Variants in NKTR observed in about 807,000 individuals in gnomAD.
NKTR encodes NK-tumor recognition protein.
NKTR carries 67 observed loss-of-function variants against 156.3 expected under a neutral mutation model. That is an observed-to-expected ratio of 0.43 (90% CI 0.35 to 0.53). NKTR has a LOEUF of 0.53. NKTR is among the 20% of genes least tolerant of loss of function. The pLI is 0.01. For missense variants in NKTR, 1,604 were observed against 1,730.9 expected, an observed-to-expected ratio of 0.93 and a Z score of 1.30; for synonymous variants, 640 against 596.6, an observed-to-expected ratio of 1.07 and a Z score of -1.06.
At chr3:42,619,984 C>CT in intron 5 of NKTR, 1 of 1,532,430 alleles carries the variant, frequency 6.5e-7, no homozygotes, top group South Asian at 1.2e-5. Flanking sequence ...ATCTTCCTGC[C>CT]TAAAACTGTC....
chr3:42,601,260 C>G (rs1705420015), intron 2 of NKTR, 196 bp downstream of exon 2: 2 of 438,016 alleles, frequency 4.6e-6, no homozygotes, highest in Non-Finnish European at 8.2e-6. Flanking sequence ...GTCCGGGCCT[C>G]TTCCTGCCAA....
At chr3:42,635,412 A>G (rs771970772) in intron 12 of NKTR, 46 bp downstream of exon 12, 2 of 1,468,134 alleles carry the variant, frequency 1.4e-6, no homozygotes, top group South Asian at 2.5e-5. Flanking sequence ...GTTATATTTT[A>G]AATGTTAAAG....
At position 42,639,362 on chromosome 3, in the gene NKTR, A is replaced by G. The variant is rs74683403; in HGVS notation, c.3658A>G (p.Asn1220Asp). The change falls in exon 13 of 17, where the codon AAC becomes GAC. Residue 1220 changes from asparagine to aspartate, a missense_variant. Coordinates refer to ENST00000232978, the MANE Select transcript of NKTR (RefSeq NM_005385.4). ...GGAGGTGGCTGAGAAGAGCCAGATCAACCTCATTGATAAGAAATGGAAGCC... is the reference window on the plus strand; with the variant it reads ...GGAGGTGGCTGAGAAGAGCCAGATCGACCTCATTGATAAGAAATGGAAGCC... The part of the protein sequence containing the change: ...KKEVAEKSQI[N>D]LIDKKWKPLQ... 2.7e-4 allele frequency: 432 copies of G among 1,614,126 alleles called. 3 individuals are homozygous for G. The African/African-American group carries it at 5.2e-3, about 20-fold the overall frequency.
chr3:42,601,903 TTA>T (rs1478070052), intron 2 of NKTR: 1 of 152,192 alleles, frequency 6.6e-6, no homozygotes, highest in African/African-American at 2.4e-5. Context: ...CCTCTTCCTT[TTA>T]TAGTTTATAT....
At chr3:42,640,794 C>T (rs909051655) in intron 13 of NKTR, among the ~76,000 whole-genome samples, 1 of 152,240 alleles carries the variant, frequency 6.6e-6, no homozygotes. Flanking sequence ...TGCTAGCTCT[C>T]CTTTCTCCCA....
At chr3:42,617,497 CTG>C in intron 2 of NKTR, 71 bp from the exon 3 acceptor site, 1 of 760,760 alleles carries the variant, frequency 1.3e-6, no homozygotes, top group Non-Finnish European at 2.3e-6. Flanking sequence ...TTTGTTAGCC[CTG>C]TTTCTTTCTC....
At chr3:42,617,732 G>C (rs1415119054) in intron 3 of NKTR, 88 bp downstream of exon 3, 1 of 671,226 alleles carries the variant, frequency 1.5e-6, no homozygotes, top group Non-Finnish European at 2.6e-6. Flanking sequence ...AAGAATAATG[G>C]ACTCGTGAAA....
chr3:42,601,105 G>C, intron 2 of NKTR, 41 bp downstream of exon 2: 3 of 1,507,524 alleles, frequency 2.0e-6, no homozygotes, highest in Middle Eastern at 2.3e-4. Flanking sequence ...GCCGAGGCCT[G>C]CCTTGGCGAA....
chr3:42,627,265 C>G (rs1708475126), intron 6 of NKTR: 3 of 984,834 alleles, frequency 3.0e-6, no homozygotes, highest in African/African-American at 3.5e-5. Flanking sequence ...TCTCTCTTTG[C>G]CTTTATCTCT....
rs138790176 is a variant in NKTR at position 42,601,045 on chromosome 3, C to T, written c.39C>T (p.Ile13=). 6.3e-6 allele frequency: 10 copies of T among 1,581,840 alleles called. No homozygotes were observed. The African/African-American group carries it at 8.2e-5, about 13-fold the overall frequency. The change falls in exon 2 of 17, where the codon ATC becomes ATT. Residue 13 remains isoleucine (I), a synonymous_variant. Coordinates refer to ENST00000232978, the MANE Select transcript of NKTR (RefSeq NM_005385.4). ...AQDRPQCHFD[I]EINREPVGRI... is the part of the protein sequence containing the mutation. ...ACCGGCCGCAGTGCCACTTCGACATCGAGATCAACCGGGAGCCGGGTGAGC... is the reference window on the plus strand; with the variant it reads ...ACCGGCCGCAGTGCCACTTCGACATTGAGATCAACCGGGAGCCGGGTGAGC...
At chr3:42,605,967 C>T (rs1196439531) in intron 2 of NKTR, among the ~76,000 whole-genome samples, 1 of 152,162 alleles carries the variant, frequency 6.6e-6, no homozygotes, top group African/African-American at 2.4e-5. Flanking sequence ...ATTAGGCACA[C>T]TACTGTTTGG....
At chr3:42,610,011 CT>C (rs200074379) in intron 2 of NKTR, among the ~76,000 whole-genome samples, 1 of 150,594 alleles carries the variant, frequency 6.6e-6, no homozygotes, top group East Asian at 1.9e-4. Context: ...CTAGAATTTC[CT>C]TTTTTTTTGA....
intron 2 of NKTR, among the ~76,000 whole-genome samples, chr3:42,616,360 G>A (rs927694089): frequency 1.3e-5 from 2 of 152,080 alleles, no homozygotes; most frequent in Non-Finnish European, 2.9e-5. Context: ...CTTTCAACAG[G>A]TCCATAAAGT....
chr3:42,639,638 A>G lies in NKTR; in HGVS notation c.3934A>G (p.Arg1312Gly). The G allele has an allele frequency of 1.2e-6, 2 of 1,614,178 alleles. No homozygotes were observed. The highest frequency in any genetic ancestry group is 2.7e-5 in the African/African-American group (2 of 75,064). Residue 1312 changes from arginine to glycine, a missense_variant, in exon 13 of 17, where the codon AGG becomes GGG. This residue lies in a region of NKTR where 193 missense variants were observed against 220.2 expected (regional missense o/e 0.88). Transcript: ENST00000232978. The stretch of plus-strand genomic sequence containing the variant: ...TAGTCGGGATGATGATAGCCAGTCC[A>G]GGAGTCCAAGTAGATCTCGAAGTAA... ...TPSRDDDSQS[R>G]SPSRSRSKSE... is the part of the protein sequence containing the mutation.
Position 42,609,784 on chromosome 3 carries a change from ATGTTTCT to A in NKTR, c.59-7781_59-7775del, listed in dbSNP as rs1392356041. ...ATACTCTTATGGTTATGTAGGTAGA[ATGTTTCT>A]TGTTGTTTTTGAGAATGTGATTTTT... On this transcript the variant is annotated intron_variant, in intron 2 of 16. Coordinates refer to ENST00000232978, the MANE Select transcript of NKTR (RefSeq NM_005385.4). Among the ~76,000 whole-genome samples, 3 of 152,226 alleles carry A rather than the reference ATGTTTCT, an allele frequency of 2.0e-5. No homozygotes were observed. In the East Asian group the frequency reaches 5.8e-4, roughly 29 times the overall value.
chr3:42,637,876 T>C lies in NKTR; in HGVS notation c.2172T>C (p.Ser724=). 6.2e-7 allele frequency: 1 copy of C among 1,614,062 alleles called. No individual in the cohort carries two copies. Among genetic ancestry groups the C allele is most frequent in the Non-Finnish European group, 8.5e-7 (1 of 1,179,942 alleles). ...ATTCAAGGTCTAGGTCTCCATCATC[T>C]AGATCTCATTCACGAAATAAATACA... is the stretch of plus-strand genomic sequence containing the variant. The part of the protein sequence containing the change: ...SSHSRSRSPS[S]RSHSRNKYSD... Residue 724 remains serine, a synonymous_variant, in exon 13 of 17, where the codon TCT becomes TCC. Coordinates refer to ENST00000232978, the MANE Select transcript of NKTR (RefSeq NM_005385.4).
intron 7 of NKTR, 114 bp downstream of exon 7, chr3:42,630,689 A>C (rs1708814373): frequency 6.6e-7 from 1 of 1,525,626 alleles, no homozygotes; most frequent in African/African-American, 1.4e-5. Flanking sequence ...GCTTAATCTC[A>C]TAGCAAAAGC....
intron 5 of NKTR, chr3:42,620,020 T>A: frequency 6.5e-7 from 1 of 1,534,282 alleles, no homozygotes; most frequent in Non-Finnish European, 8.7e-7. Flanking sequence ...TTATAGAGAA[T>A]GTGGTCTTTT....
chr3:42,621,338 A>C (rs954073831), intron 5 of NKTR, 91 bp from the exon 6 acceptor site: 8 of 1,480,526 alleles, frequency 5.4e-6, no homozygotes, highest in East Asian at 2.5e-5. Flanking sequence ...CAGAAGAGGA[A>C]TTTCATCTTT....
Sources: gnomAD v4.1 joint callset for allele counts (sites outside exome capture counted in the v4.1 genomes callset) on GRCh38, gnomAD v4.1.1 for gene constraint, gnomAD v4.1.1 regional missense constraint, MANE v1.5 for transcripts, NCBI Gene and HGNC (gene_info 2026-07-23, HGNC 2026-07-21) for gene names.